Variants in USP34 observed in about 807,000 individuals in gnomAD.
USP34 encodes the protein ubiquitin specific peptidase 34.
USP34 carries 70 observed loss-of-function variants against 460.3 expected under a neutral mutation model. The observed-to-expected ratio is 0.15, with a 90% CI of 0.13 to 0.19. USP34 has a LOEUF of 0.19. Ranked by LOEUF, USP34 falls within the 10% of genes least tolerant of loss-of-function variation. The pLI is 1.00. For missense variants in USP34, 3,985 were observed against 4,236.2 expected, an observed-to-expected ratio of 0.94 and a Z score of 1.65; for synonymous variants, 1,647 against 1,405.3, an observed-to-expected ratio of 1.17 and a Z score of -3.85.
intron 2 of USP34, among the ~76,000 whole-genome samples, chr2:61,418,719 A>G (rs1251503365): frequency 6.6e-6 from 1 of 152,224 alleles, no homozygotes; most frequent in Non-Finnish European, 1.5e-5. Context: ...GGAAGATGGA[A>G]ATAGACAAAT....
chr2:61,375,938 A>G (rs1692787435), intron 8 of USP34, among the ~76,000 whole-genome samples: 1 of 152,286 alleles, frequency 6.6e-6, no homozygotes, highest in Middle Eastern at 3.4e-3. Flanking sequence ...GAACAAGAGT[A>G]TACTAAATGA....
chr2:61,267,674 C>T (rs1355946508), intron 41 of USP34, among the ~76,000 whole-genome samples: 1 of 152,010 alleles, frequency 6.6e-6, no homozygotes, highest in Admixed American at 6.6e-5. Context: ...AGTGCAGTGG[C>T]GCCATCTCGG....
At chr2:61,419,886 AAAG>A (rs1341568530) in intron 2 of USP34, among the ~76,000 whole-genome samples, 1 of 152,162 alleles carries the variant, frequency 6.6e-6, no homozygotes, top group African/African-American at 2.4e-5. Context: ...GAGACTCAGA[AAAG>A]AAATGTCAAT....
chr2:61,293,340 T>G (rs1689920590), intron 33 of USP34, 124 bp downstream of exon 33: 1 of 556,474 alleles, frequency 1.8e-6, no homozygotes, highest in East Asian at 3.2e-5. Context: ...TTAAATTCAT[T>G]TCTGCTATAT....
At chr2:61,356,620 A>C (rs1485070496) in intron 10 of USP34, among the ~76,000 whole-genome samples, 1 of 152,230 alleles carries the variant, frequency 6.6e-6, no homozygotes, top group Non-Finnish European at 1.5e-5. Flanking sequence ...ACAAAAGGAC[A>C]AATATTTAAT....
chr2:61,273,151 TAAGA>T (rs1395672319), intron 41 of USP34, among the ~76,000 whole-genome samples: 2 of 152,122 alleles, frequency 1.3e-5, no homozygotes, highest in Admixed American at 6.5e-5. Flanking sequence ...ATAAACTTAC[TAAGA>T]AATACTTAAA....
intron 1 of USP34, among the ~76,000 whole-genome samples, chr2:61,427,001 G>C (rs778120240): frequency 1.3e-5 from 2 of 152,134 alleles, no homozygotes; most frequent in Non-Finnish European, 2.9e-5. Context: ...CTGGGCTTGG[G>C]GTACCCCTAA....
At chr2:61,221,466 A>T (rs926616578) in intron 66 of USP34, 36 bp downstream of exon 66, 1 of 1,564,572 alleles carries the variant, frequency 6.4e-7, no homozygotes, top group African/African-American at 1.4e-5. Context: ...AATCCTCAGG[A>T]AAATAAACAT....
chr2:61,337,249 T>C (rs1272345662), intron 18 of USP34, among the ~76,000 whole-genome samples: 1 of 152,138 alleles, frequency 6.6e-6, no homozygotes, highest in East Asian at 1.9e-4. Flanking sequence ...AATAAAATAA[T>C]AGAGATACAT....
At chr2:61,405,162 G>T (rs967610549) in intron 3 of USP34, among the ~76,000 whole-genome samples, 1 of 143,578 alleles carries the variant, frequency 7.0e-6, no homozygotes, top group African/African-American at 2.6e-5. Context: ...GAACCCAGGA[G>T]GCGGAGCTTG....
chr2:61,242,531 A>C (rs1384161580), intron 51 of USP34, among the ~76,000 whole-genome samples: 2 of 151,704 alleles, frequency 1.3e-5, no homozygotes, highest in Non-Finnish European at 2.9e-5. Context: ...GGGACCATGA[A>C]GCAATAAGAA....
At chr2:61,222,345 T>C (rs917084099) in intron 65 of USP34, among the ~76,000 whole-genome samples, 5 of 152,224 alleles carry the variant, frequency 3.3e-5, no homozygotes, top group African/African-American at 1.2e-4. Flanking sequence ...AATTAGGATA[T>C]ATGTTCCCAA....
chr2:61,252,609 G>C (rs761064219), intron 48 of USP34, among the ~76,000 whole-genome samples: 7 of 152,176 alleles, frequency 4.6e-5, no homozygotes, highest in Non-Finnish European at 8.8e-5. Flanking sequence ...CAAAAAGTAT[G>C]AATTTAGGGA....
intron 3 of USP34, among the ~76,000 whole-genome samples, chr2:61,402,974 G>A (rs997748126): frequency 1.4e-4 from 22 of 152,088 alleles, no homozygotes; most frequent in Non-Finnish European, 2.4e-4. Context: ...ATAGAAACTA[G>A]AAATTTTAGA....
At chr2:61,263,778 C>A (rs1312926222) in intron 43 of USP34, among the ~76,000 whole-genome samples, 1 of 152,110 alleles carries the variant, frequency 6.6e-6, no homozygotes, top group Non-Finnish European at 1.5e-5. Flanking sequence ...CACCACACCC[C>A]ACACGCAGCT....
chr2:61,238,067 T>C (rs1009468928), intron 53 of USP34, among the ~76,000 whole-genome samples: 3 of 151,954 alleles, frequency 2.0e-5, no homozygotes, highest in Non-Finnish European at 4.4e-5. Flanking sequence ...AGTTAATTTT[T>C]GTATTTTTAG....
Position 61,347,874 on chromosome 2 carries a change from C to T in USP34, c.2281G>A (p.Asp761Asn), listed in dbSNP as rs754422961. The T allele has an allele frequency of 1.0e-4, 165 of 1,611,380 alleles. No homozygotes were observed. The highest frequency in any genetic ancestry group is 1.3e-4 in the East Asian group (6 of 44,860). Residue 761 changes from aspartate (D) to asparagine (N), a missense_variant, in exon 15 of 80, where the codon GAT becomes AAT. This residue lies in a region of USP34 where 716 missense variants were observed against 626.2 expected (regional missense o/e 1.14). Transcript: ENST00000398571. ...TTTATTTTGAAGTAGGCTTACCCAT[C>T]GTGGTGGTGGTGATGGTGGTGGTGG... The part of the protein sequence containing the change: ...HHHHHHHHHH[D>N]GHMVDDMLSA...
At chr2:61,432,402 A>G (rs1162585667) in intron 1 of USP34, among the ~76,000 whole-genome samples, 1 of 152,158 alleles carries the variant, frequency 6.6e-6, no homozygotes, top group East Asian at 1.9e-4. Context: ...CTTGAGCCCC[A>G]GGAGGTCAAG....
chr2:61,380,237 C>T lies in USP34; in HGVS notation c.946G>A (p.Asp316Asn). ...TTLCFDKESL[D>N]LAFKYFMSPT... is the part of the protein sequence containing the mutation. ...GACATAAAGTACTTAAATGCAAGAT[C>T]TAGGCTTTCTTTATCAAAGCATAAT... is the stretch of plus-strand genomic sequence containing the variant. Residue 316 changes from aspartate to asparagine, a missense_variant, in exon 7 of 80, where the codon GAT (aspartate) becomes AAT (asparagine). Coordinates refer to ENST00000398571, the MANE Select transcript of USP34 (RefSeq NM_014709.4). 2 of 1,614,164 alleles carry T rather than the reference C, an allele frequency of 1.2e-6. No individual in the cohort carries two copies. Among genetic ancestry groups the T allele is most frequent in the Non-Finnish European group, 1.7e-6 (2 of 1,180,018 alleles).
Sources: gnomAD v4.1 joint callset for allele counts (sites outside exome capture counted in the v4.1 genomes callset) on GRCh38, gnomAD v4.1.1 for gene constraint, gnomAD v4.1.1 regional missense constraint, MANE v1.5 for transcripts, NCBI Gene and HGNC (gene_info 2026-07-23, HGNC 2026-07-21) for gene names.